The following CCDC148 variants were observed in gnomAD, a reference collection of about 807,000 sequenced individuals.
The protein encoded by CCDC148 is coiled-coil domain-containing protein 148.
CCDC148 carries 89 observed loss-of-function variants against 85.7 expected under a neutral mutation model. That is an observed-to-expected ratio of 1.04 (90% confidence interval 0.87 to 1.24). CCDC148 has a LOEUF of 1.24. Among genes scored for constraint, CCDC148 ranks in the 50% most tolerant of loss-of-function variants. The pLI, the probability that CCDC148 is intolerant of heterozygous loss-of-function variation, is 0.00. For synonymous variants in CCDC148, 230 were observed against 213.9 expected, an observed-to-expected ratio of 1.08 and a Z score of -0.66; for missense variants, 692 against 671.7, an observed-to-expected ratio of 1.03 and a Z score of -0.33.
At chr2:158,228,058 T>A (rs1687645679) in intron 10 of CCDC148, among the ~76,000 whole-genome samples, 1 of 152,146 alleles carries the variant, frequency 6.6e-6, no homozygotes, top group African/African-American at 2.4e-5. Flanking sequence ...AATCTACTTA[T>A]CTGACAAAGG....
intron 1 of CCDC148, among the ~76,000 whole-genome samples, chr2:158,430,057 C>T (rs1687269011): frequency 6.6e-6 from 1 of 152,148 alleles, no homozygotes; most frequent in African/African-American, 2.4e-5. Flanking sequence ...TTGCTGAATA[C>T]TGAGAGGTGT....
intron 11 of CCDC148, among the ~76,000 whole-genome samples, chr2:158,202,092 A>G (rs1269841585): frequency 6.6e-6 from 1 of 152,220 alleles, no homozygotes; most frequent in Admixed American, 6.5e-5. Flanking sequence ...CACTATTCTT[A>G]TAACTCTTCC....
intron 11 of CCDC148, among the ~76,000 whole-genome samples, chr2:158,188,578 A>G (rs1265110953): frequency 1.3e-5 from 2 of 152,150 alleles, no homozygotes; most frequent in East Asian, 3.9e-4. Flanking sequence ...CTCTCACCAT[A>G]TATAAAAATT....
At chr2:158,274,007 G>A (rs918403164) in intron 9 of CCDC148, among the ~76,000 whole-genome samples, 2 of 152,158 alleles carry the variant, frequency 1.3e-5, no homozygotes, top group African/African-American at 4.8e-5. Flanking sequence ...GGCCTCCAGG[G>A]CTATGTTCCA....
chr2:158,299,123 G>A (rs1691327480), intron 9 of CCDC148, among the ~76,000 whole-genome samples: 1 of 152,058 alleles, frequency 6.6e-6, no homozygotes, highest in African/African-American at 2.4e-5. Context: ...TTACCCCTAC[G>A]GCATGGCCTT....
chr2:158,440,499 C>T (rs1003290551), intron 1 of CCDC148, among the ~76,000 whole-genome samples: 38 of 152,250 alleles, frequency 2.5e-4, no homozygotes, highest in African/African-American at 9.1e-4. Flanking sequence ...GAGATGCATT[C>T]AAGACCCCCA....
chr2:158,375,604 T>G (rs1270658036), intron 1 of CCDC148, among the ~76,000 whole-genome samples: 1 of 152,142 alleles, frequency 6.6e-6, no homozygotes, highest in Admixed American at 6.6e-5. Context: ...CTTTTTTCCC[T>G]TTCTAACACA....
intron 9 of CCDC148, among the ~76,000 whole-genome samples, chr2:158,251,382 A>T (rs1012207831): frequency 1.3e-5 from 2 of 151,864 alleles, no homozygotes; most frequent in Admixed American, 1.3e-4. Context: ...TAATTGTAAG[A>T]CACTTAAAAC....
chr2:158,225,008 C>T lies in CCDC148; in HGVS notation c.1252-4295G>A, dbSNP rs534421260. 7.9e-4 allele frequency among the ~76,000 whole-genome samples: 120 copies of T among 152,224 alleles called. 1 individual carries two copies. The highest frequency in any genetic ancestry group is 6.8e-3 in the Admixed American group (104 of 15,288). The stretch of plus-strand genomic sequence containing the variant: ...GCTCCAATTAAAAGACACAGACTGG[C>T]AAATTGGATAAAGAGTGAAGACCCA... On this transcript the variant is annotated intron_variant, in intron 10 of 13. Transcript: ENST00000283233.
At chr2:158,173,055 T>C (rs1309849395) in intron 13 of CCDC148, among the ~76,000 whole-genome samples, 1 of 151,998 alleles carries the variant, frequency 6.6e-6, no homozygotes, top group African/African-American at 2.4e-5. Context: ...CACAGATAAC[T>C]ACAGATTATG....
chr2:158,279,327 C>A (rs562096812), intron 9 of CCDC148, among the ~76,000 whole-genome samples: 1 of 151,794 alleles, frequency 6.6e-6, no homozygotes, highest in Non-Finnish European at 1.5e-5. Context: ...GATCAAACTA[C>A]GAGCTACAGG....
rs1231410387 is a variant in CCDC148 at position 158,277,619 on chromosome 2, CAG to C, written c.1111-26709_1111-26708del. Among the ~76,000 whole-genome samples, 5 of 151,850 alleles carry C rather than the reference CAG, an allele frequency of 3.3e-5. No homozygotes were observed. In the East Asian group the frequency reaches 7.7e-4, roughly 24 times the overall value. On this transcript the variant is annotated intron_variant, in intron 9 of 13. Transcript: ENST00000283233. ...TTTTTGTTTTTTTTTGTTTTTGAGA[CAG>C]AGTCTTGCTCTGTTGCCCAGGCTGG... is the stretch of plus-strand genomic sequence containing the variant.
At chr2:158,255,472 T>A (rs1286579674) in intron 9 of CCDC148, among the ~76,000 whole-genome samples, 1 of 151,624 alleles carries the variant, frequency 6.6e-6, no homozygotes, top group East Asian at 1.9e-4. Context: ...ATAACCCTTA[T>A]CCAATGGATC....
chr2:158,199,989 G>A (rs989420631), intron 11 of CCDC148, among the ~76,000 whole-genome samples: 1 of 152,164 alleles, frequency 6.6e-6, no homozygotes, highest in East Asian at 1.9e-4. Flanking sequence ...GCTCAAGAGG[G>A]TTGAGACGCA....
In CCDC148 at chr2:158,171,574, A is replaced by T. The variant is rs1684323621; in HGVS notation, c.*539T>A. Reference sequence around the variant, plus strand: ...AATTTCTAATTTATTCTTAAGGGCTAATTTGCAAAATGAAATTGTTTGGAT... The same window carrying T: ...AATTTCTAATTTATTCTTAAGGGCTTATTTGCAAAATGAAATTGTTTGGAT... On this transcript the variant is annotated 3_prime_UTR_variant, in exon 14 of 14. Coordinates refer to ENST00000283233, the MANE Select transcript of CCDC148 (RefSeq NM_138803.4). The T allele has an allele frequency of 6.6e-6, 1 of 151,948 alleles. No homozygotes were observed. The highest frequency in any genetic ancestry group is 2.1e-4 in the South Asian group (1 of 4,828). 9.4% of individuals were successfully genotyped at this position (151,948 alleles called of 1,614,324 possible). A position where few individuals can be genotyped will look rare whatever the true frequency, so the allele number is the denominator to read the frequency against.
intron 9 of CCDC148, among the ~76,000 whole-genome samples, chr2:158,304,453 T>G (rs1691589344): frequency 6.6e-6 from 1 of 152,162 alleles, no homozygotes; most frequent in African/African-American, 2.4e-5. Flanking sequence ...TTTCTATCTG[T>G]CAGGTTCCCA....
At chr2:158,309,669 T>C (rs1486111767) in intron 8 of CCDC148, 30 bp from the exon 9 acceptor site, 3 of 1,446,098 alleles carry the variant, frequency 2.1e-6, no homozygotes, top group East Asian at 2.3e-5. Flanking sequence ...TGAATACTTA[T>C]CATTATGAAA....
chr2:158,420,431 T>C (rs976661412), intron 1 of CCDC148, among the ~76,000 whole-genome samples: 2 of 152,198 alleles, frequency 1.3e-5, no homozygotes, highest in African/African-American at 2.4e-5. Flanking sequence ...GGGGCCAATA[T>C]TCAACATTCT....
intron 1 of CCDC148, among the ~76,000 whole-genome samples, chr2:158,446,350 C>T (rs1023989615): frequency 1.4e-5 from 2 of 146,130 alleles, no homozygotes; most frequent in Non-Finnish European, 3.0e-5. Flanking sequence ...GAACTTGTCT[C>T]AAAAAAAAAA....
Sources: gnomAD v4.1 joint callset for allele counts (sites outside exome capture counted in the v4.1 genomes callset) on GRCh38, gnomAD v4.1.1 for gene constraint, MANE v1.5 for transcripts, NCBI Gene and HGNC (gene_info 2026-07-23, HGNC 2026-07-21) for gene names.